The following GSDME variants were observed in gnomAD, a reference collection of about 807,000 sequenced individuals.
GSDME encodes gasdermin-E.
GSDME carries 44 observed loss-of-function variants against 47.5 expected under a neutral mutation model. That is an observed-to-expected ratio of 0.93 (90% CI 0.73 to 1.19). The LOEUF (loss-of-function observed/expected upper bound fraction) is 1.19. Ranked by LOEUF, GSDME falls within the 50% of genes most tolerant of loss-of-function variation. The pLI is 0.00. For missense variants in GSDME, 663 were observed against 604.2 expected, an observed-to-expected ratio of 1.10 and a Z score of -1.02; for synonymous variants, 258 against 252.8, an observed-to-expected ratio of 1.02 and a Z score of -0.20.
chr7:24,752,625 A>G (rs531211782), intron 1 of GSDME, among the ~76,000 whole-genome samples: 16 of 152,304 alleles, frequency 1.1e-4, no homozygotes, highest in African/African-American at 3.6e-4. Context: ...CCAGTTACCA[A>G]GAGAGGGAAT....
At chr7:24,761,601 A>T (rs541411145), upstream of GSDME, among the ~76,000 whole-genome samples, 146 of 152,286 alleles carry the variant, frequency 9.6e-4, no homozygotes, top group Non-Finnish European at 1.8e-3. The surrounding 1 kb of genome is among the most constrained non-coding windows in gnomAD (Gnocchi z 4.4). Flanking sequence ...GCTTTGGGGG[A>T]ACACAAACAT....
chr7:24,702,725 A>G (rs997505638), intron 9 of GSDME, 35 bp downstream of exon 9: 15 of 1,585,436 alleles, frequency 9.5e-6, no homozygotes, highest in African/African-American at 2.7e-5. Flanking sequence ...CCCCATTCCT[A>G]TCCATTCTAA....
At chr7:24,729,448 C>A (rs1265418136) in intron 3 of GSDME, among the ~76,000 whole-genome samples, 1 of 152,228 alleles carries the variant, frequency 6.6e-6, no homozygotes, top group Non-Finnish European at 1.5e-5. Context: ...CAGGGCGTTC[C>A]AGGAGGGAAA....
At chr7:24,734,820 G>A (rs1584090820) in intron 3 of GSDME, among the ~76,000 whole-genome samples, 1 of 151,370 alleles carries the variant, frequency 6.6e-6, no homozygotes, top group East Asian at 1.9e-4. Flanking sequence ...TTTCAAAAGA[G>A]CAAATCTAAG....
intron 3 of GSDME, among the ~76,000 whole-genome samples, chr7:24,731,740 G>A (rs771580976): frequency 4.6e-5 from 7 of 152,302 alleles, no homozygotes; most frequent in Non-Finnish European, 7.3e-5. Context: ...CAGTAACACC[G>A]ATCCCATTTT....
intron 9 of GSDME, among the ~76,000 whole-genome samples, chr7:24,702,230 G>A (rs1202161480): frequency 6.6e-6 from 1 of 152,110 alleles, no homozygotes; most frequent in Non-Finnish European, 1.5e-5. Flanking sequence ...GACTCTCTAG[G>A]GCTAAGCTCA....
chr7:24,782,373 A>C, the GSDME span, among the ~76,000 whole-genome samples: 1 of 152,100 alleles, frequency 6.6e-6, no homozygotes, highest in Non-Finnish European at 1.5e-5. Flanking sequence ...AGTTTCATCC[A>C]TGTCGCTACA....
chr7:24,700,525 A>G (rs61516106), intron 9 of GSDME, among the ~76,000 whole-genome samples: 1 of 152,210 alleles, frequency 6.6e-6, no homozygotes, highest in Non-Finnish European at 1.5e-5. Flanking sequence ...AAAAGAAAAA[A>G]TTCCAGAAAT....
intron 5 of GSDME, among the ~76,000 whole-genome samples, chr7:24,715,966 C>T (rs1187994284): frequency 6.6e-6 from 1 of 152,154 alleles, no homozygotes; most frequent in Admixed American, 6.5e-5. Context: ...TCCTCAACAC[C>T]CTTCAGCTTG....
At chr7:24,777,252 G>A in the GSDME span, among the ~76,000 whole-genome samples, 1 of 152,156 alleles carries the variant, frequency 6.6e-6, no homozygotes, top group African/African-American at 2.4e-5. Flanking sequence ...CCCTGAAATT[G>A]TCCACATAGG....
Position 24,714,514 on chromosome 7 carries a change from T to G in GSDME, c.697+2740A>C, listed in dbSNP as rs1432611789. Among the ~76,000 whole-genome samples the G allele has an allele frequency of 4.6e-5, 7 of 151,952 alleles. No individual in the cohort carries two copies. Among genetic ancestry groups the G allele is most frequent in the Admixed American group, 4.6e-4 (7 of 15,280 alleles). Reference sequence around the variant, plus strand: ...CGATGACCTGACCACCAAGCCACCATAGGAAGGAGCCACGGAGCTGCCTCC... The same window carrying G: ...CGATGACCTGACCACCAAGCCACCAGAGGAAGGAGCCACGGAGCTGCCTCC... On this transcript the variant is annotated intron_variant, in intron 5 of 9. Transcript: ENST00000645220. The surrounding 1 kb of genome is among the most constrained non-coding windows in gnomAD (Gnocchi z 5.0).
Position 24,745,041 on chromosome 7 carries a change from C to T in GSDME, c.212-287G>A, listed in dbSNP as rs1189000719. 2.0e-5 allele frequency among the ~76,000 whole-genome samples: 3 copies of T among 148,786 alleles called. No homozygotes were observed. Among genetic ancestry groups the T allele is most frequent in the South Asian group, 2.1e-4 (1 of 4,708 alleles). On this transcript the variant is annotated intron_variant, in intron 2 of 9. Transcript: ENST00000645220. This position sits in a 1 kb window ranked among gnomAD's most constrained non-coding sequence, Gnocchi z 4.4. Reference sequence around the variant, plus strand: ...TGTGTGTGTGTGTGTGTGTGGACCACGGGCACACAGTGGACCAGTGACCAG... The same window carrying T: ...TGTGTGTGTGTGTGTGTGTGGACCATGGGCACACAGTGGACCAGTGACCAG...
intron 7 of GSDME, among the ~76,000 whole-genome samples, chr7:24,707,126 G>A (rs1789143318): frequency 6.6e-6 from 1 of 152,188 alleles, no homozygotes. Flanking sequence ...TCAATAACAG[G>A]TTCCATCACT....
chr7:24,745,279 T>C lies in GSDME; in HGVS notation c.212-525A>G, dbSNP rs773217113. ...ACAGAGAGAGAACAGCAGCCCCTAT[T>C]CTGGATGCACCGCGAGAGGACAGCC... is the stretch of plus-strand genomic sequence containing the variant. On this transcript the variant is annotated intron_variant, in intron 2 of 9. Coordinates refer to ENST00000645220, the MANE Select transcript of GSDME (RefSeq NM_001127453.2). This position sits in a 1 kb window ranked among gnomAD's most constrained non-coding sequence, Gnocchi z 4.4. 6.6e-5 allele frequency among the ~76,000 whole-genome samples: 10 copies of C among 152,088 alleles called. No individual in the cohort carries two copies. The highest frequency in any genetic ancestry group is 1.5e-5 in the Non-Finnish European group (1 of 68,022).
Position 24,717,254 on chromosome 7 carries a change from C to T in GSDME, c.697G>A (p.Glu233Lys), listed in dbSNP as rs529901453. The T allele has an allele frequency of 1.1e-5, 18 of 1,614,090 alleles. No homozygotes were observed. The highest frequency in any genetic ancestry group is 5.5e-5 in the South Asian group (5 of 91,068). The change falls in exon 5 of 10, where the codon GAG becomes AAG. Residue 233 changes from glutamate (E) to lysine (K), a missense_variant and splice_region_variant. Physicochemically the swap from Glu to Lys is moderately conservative, Grantham distance 56. Coordinates refer to ENST00000645220, the MANE Select transcript of GSDME (RefSeq NM_001127453.2). ...AGCACCCATAGGAGGTGGCACTCAC[C>T]GAACTGGCCGTCCAGTTTCACGTAT... ...ELYVKLDGQFEFCLLRGKQGG... is the reference protein window; with the variant it reads ...ELYVKLDGQFKFCLLRGKQGG...
In GSDME at chr7:24,728,941, T is replaced by C. The variant is rs766813474; in HGVS notation, c.405-9723A>G. Among the ~76,000 whole-genome samples the C allele has an allele frequency of 2.6e-5, 4 of 152,190 alleles. No individual in the cohort carries two copies. The highest frequency in any genetic ancestry group is 6.5e-5 in the Admixed American group (1 of 15,272). The stretch of plus-strand genomic sequence containing the variant: ...TTGTAAAATGCTGGGAAAATCAAAA[T>C]TGGGGCAGAATGCTCACTGCACATT... On this transcript the variant is annotated intron_variant, in intron 3 of 9. Coordinates refer to ENST00000645220, the MANE Select transcript of GSDME (RefSeq NM_001127453.2). This position sits in a 1 kb window ranked among gnomAD's most constrained non-coding sequence, Gnocchi z 7.2.
chr7:24,792,544 T>C, the GSDME span, among the ~76,000 whole-genome samples: 1 of 152,342 alleles, frequency 6.6e-6, no homozygotes, highest in East Asian at 1.9e-4. Context: ...TGAGGCGAAA[T>C]TGACTTGGTT....
chr7:24,783,908 G>A, the GSDME span, among the ~76,000 whole-genome samples: 1 of 152,162 alleles, frequency 6.6e-6, no homozygotes, highest in African/African-American at 2.4e-5. Flanking sequence ...ATCCTTGGAT[G>A]TGTTGAGTTT....
the GSDME span, among the ~76,000 whole-genome samples, chr7:24,781,692 T>A: frequency 2.7e-5 from 4 of 149,494 alleles, no homozygotes; most frequent in East Asian, 7.9e-4. Flanking sequence ...TTTAAAATAT[T>A]AATTCATGTA....
Sources: gnomAD v4.1 joint callset for allele counts (sites outside exome capture counted in the v4.1 genomes callset) on GRCh38, gnomAD v4.1.1 for gene constraint, Gnocchi (gnomAD v3.1) non-coding constraint, MANE v1.5 for transcripts, NCBI Gene and HGNC (gene_info 2026-07-23, HGNC 2026-07-21) for gene names.